C1QTNF3: variants seen among roughly 807,000 people sequenced by gnomAD.
C1QTNF3 encodes complement C1q tumor necrosis factor-related protein 3.
In C1QTNF3, 26 loss-of-function variants were observed where a neutral mutation model predicts 32.6. That is an observed-to-expected ratio of 0.80 (90% CI 0.58 to 1.11). The LOEUF (loss-of-function observed/expected upper bound fraction) is 1.11. Ranked by LOEUF, C1QTNF3 falls within the 50% of genes least tolerant of loss-of-function variation. C1QTNF3 has a pLI of 0.00. For missense variants in C1QTNF3, 362 were observed against 398.2 expected (o/e 0.91, Z 0.77); for synonymous variants, 155 against 146.0 (o/e 1.06, Z -0.44).
chr5:34,029,192 T>C lies in C1QTNF3; in HGVS notation c.571-309A>G, dbSNP rs959263720. On this transcript the variant is annotated intron_variant, in intron 3 of 5. Transcript: ENST00000382065. ...AATTTTATATGAAATTTTCCACTTA[T>C]AGCCGAGAAATGCACATTAGCAAAT... 2.6e-5 allele frequency among the ~76,000 whole-genome samples: 4 copies of C among 152,342 alleles called. No homozygotes were observed. In the East Asian group the frequency reaches 5.8e-4, roughly 22 times the overall value.
Position 34,043,162 on chromosome 5 carries a change from C to G in C1QTNF3, c.-37G>C. 6.3e-7 allele frequency: 1 copy of G among 1,582,350 alleles called. No homozygotes were observed. Among genetic ancestry groups the G allele is most frequent in the Non-Finnish European group, 8.6e-7 (1 of 1,166,492 alleles). On this transcript the variant is annotated 5_prime_UTR_variant, in exon 1 of 6. Transcript: ENST00000382065. The stretch of plus-strand genomic sequence containing the variant: ...GAGCCTCAGAGTCTCCCTGAGAAGA[C>G]AGCAGAGCTCCAGGAGCGTGGTCTC...
the C1QTNF3 span, among the ~76,000 whole-genome samples, chr5:34,058,206 CTT>C: frequency 4.6e-5 from 7 of 151,172 alleles, no homozygotes; most frequent in East Asian, 7.8e-4. Context: ...TTTGAGGCTT[CTT>C]TTTTTTTCAG....
the C1QTNF3 span, among the ~76,000 whole-genome samples, chr5:34,242,362 TACC>T: frequency 6.6e-6 from 1 of 152,102 alleles, no homozygotes; most frequent in African/African-American, 2.4e-5. Context: ...GCTGCACACT[TACC>T]ACCATCTGGA....
chr5:34,059,193 GGT>G, the C1QTNF3 span, among the ~76,000 whole-genome samples: 1 of 152,032 alleles, frequency 6.6e-6, no homozygotes, highest in Non-Finnish European at 1.5e-5. Context: ...AGGTGTACAG[GGT>G]GTGTGTCTCC....
the C1QTNF3 span, among the ~76,000 whole-genome samples, chr5:34,156,060 A>C: frequency 6.6e-6 from 1 of 152,064 alleles, no homozygotes; most frequent in Non-Finnish European, 1.5e-5. Flanking sequence ...GATTTCTCCA[A>C]ATTTTTAAAA....
At chr5:34,176,396 C>T in the C1QTNF3 span, among the ~76,000 whole-genome samples, 8 of 134,930 alleles carry the variant, frequency 5.9e-5, no homozygotes, top group South Asian at 2.4e-4. Context: ...TAAAACTTAA[C>T]GTATAATAAT....
intron 3 of C1QTNF3, among the ~76,000 whole-genome samples, chr5:34,030,866 T>C (rs1221584439): frequency 1.3e-5 from 2 of 152,022 alleles, no homozygotes; most frequent in African/African-American, 4.8e-5. Context: ...CTCATGTATA[T>C]GTGGGAGCTA....
the C1QTNF3 span, among the ~76,000 whole-genome samples, chr5:34,163,566 A>G: frequency 6.6e-6 from 1 of 152,062 alleles, no homozygotes; most frequent in Non-Finnish European, 1.5e-5. Flanking sequence ...AAGTATTGAA[A>G]AGTGCTTAAA....
At chr5:34,116,166 T>G in the C1QTNF3 span, among the ~76,000 whole-genome samples, 87 of 152,338 alleles carry the variant, frequency 5.7e-4, 1 homozygote, top group Middle Eastern at 3.4e-3. Context: ...GCTGCATATT[T>G]GTAAATTTCT....
the C1QTNF3 span, among the ~76,000 whole-genome samples, chr5:34,102,971 A>T: frequency 6.6e-6 from 1 of 152,150 alleles, no homozygotes; most frequent in Non-Finnish European, 1.5e-5. Flanking sequence ...CCTAGAACTT[A>T]AAGTATAATT....
At chr5:34,073,747 G>A in the C1QTNF3 span, among the ~76,000 whole-genome samples, 1 of 151,926 alleles carries the variant, frequency 6.6e-6, no homozygotes, top group Non-Finnish European at 1.5e-5. Context: ...ATGTTTCTAA[G>A]CAAAGCTCAG....
At chr5:34,172,753 G>A in the C1QTNF3 span, among the ~76,000 whole-genome samples, 7 of 152,198 alleles carry the variant, frequency 4.6e-5, no homozygotes, top group East Asian at 1.4e-3. Flanking sequence ...TTTGCATATA[G>A]GTGCAGACAT....
chr5:34,136,827 G>T, the C1QTNF3 span, among the ~76,000 whole-genome samples: 1 of 152,202 alleles, frequency 6.6e-6, no homozygotes. Context: ...CCATAAAAAA[G>T]GATGAGTTCA....
At chr5:34,070,172 C>A in the C1QTNF3 span, among the ~76,000 whole-genome samples, 2 of 152,082 alleles carry the variant, frequency 1.3e-5, no homozygotes, top group African/African-American at 2.4e-5. Flanking sequence ...TTGTTCATAA[C>A]CTCTCACTTG....
the C1QTNF3 span, among the ~76,000 whole-genome samples, chr5:34,093,679 C>A: frequency 6.9e-6 from 1 of 145,430 alleles, no homozygotes; most frequent in East Asian, 2.0e-4. Context: ...TCTGATTGAT[C>A]CCCATCCTTT....
the C1QTNF3 span, among the ~76,000 whole-genome samples, chr5:34,052,467 C>T: frequency 6.6e-6 from 1 of 152,182 alleles, no homozygotes; most frequent in Non-Finnish European, 1.5e-5. Context: ...CAATAAATAT[C>T]TGCTAATGAA....
At position 34,043,100 on chromosome 5, in the gene C1QTNF3, C is replaced by T. The variant is rs1339836230; in HGVS notation, c.26G>A (p.Trp9Ter). The change falls in exon 1 of 6, where the codon TGG (tryptophan) becomes TAG (stop). Residue 9 changes from tryptophan to a stop codon, truncating the protein, a stop_gained. Coordinates refer to ENST00000382065, the MANE Select transcript of C1QTNF3 (RefSeq NM_181435.6). LOFTEE classifies it high-confidence loss of function. ...GAGGAAAAACAAAGCCAGCAGTTGC[C>T]AATAGATGAGCTGCCTCCAAAGCAT... MLWRQLIYWQLLALFFLPF... is the reference protein window; with the variant it reads MLWRQLIY 1 of 1,613,252 alleles carries T rather than the reference C, an allele frequency of 6.2e-7. No individual in the cohort carries two copies. The highest frequency in any genetic ancestry group is 8.5e-7 in the Non-Finnish European group (1 of 1,179,944).
At chr5:34,040,652 T>C (rs1417422817) in intron 1 of C1QTNF3, among the ~76,000 whole-genome samples, 1 of 152,072 alleles carries the variant, frequency 6.6e-6, no homozygotes, top group East Asian at 1.9e-4. Context: ...AAAACCTAGC[T>C]AGCAAAGCAA....
chr5:34,173,073 T>C, the C1QTNF3 span, among the ~76,000 whole-genome samples: 1 of 152,216 alleles, frequency 6.6e-6, no homozygotes, highest in South Asian at 2.1e-4. Flanking sequence ...AAAATATCAA[T>C]AATTTTTTTC....
Sources: gnomAD v4.1 joint callset for allele counts (sites outside exome capture counted in the v4.1 genomes callset) on GRCh38, gnomAD v4.1.1 for gene constraint, MANE v1.5 for transcripts, NCBI Gene and HGNC (gene_info 2026-07-23, HGNC 2026-07-21) for gene names.